The following NF1 variants were observed in gnomAD, a reference collection of about 807,000 sequenced individuals.
NF1 encodes the protein neurofibromin.
In NF1, 122 loss-of-function variants were observed where a neutral mutation model predicts 325.7. That is an observed-to-expected ratio of 0.37 (90% CI 0.32 to 0.44). The LOEUF (loss-of-function observed/expected upper bound fraction) is 0.44. Among genes scored for constraint, NF1 ranks in the 20% least tolerant of loss-of-function variants. NF1 has a pLI of 1.00. For synonymous variants in NF1, 1,091 were observed against 1,186.0 expected (o/e 0.92, Z 1.65); for missense variants, 2,140 against 3,415.4 (o/e 0.63, Z 9.31).
chr17:31,229,410 T>C lies in NF1; in HGVS notation c.2795T>C (p.Met932Thr), dbSNP rs876659779. Residue 932 changes from methionine to threonine, a missense_variant, in exon 21 of 58, where the codon ATG (methionine) becomes ACG (threonine). Physicochemically the swap from Met to Thr is moderately conservative, Grantham distance 81. Around this residue, in one of 10 missense-constraint regions of NF1, gnomAD observed 380 missense variants for 639.3 expected, o/e 0.59. Coordinates refer to ENST00000358273, the MANE Select transcript of NF1 (RefSeq NM_001042492.3). Reference protein sequence around the residue: ...GLELSPALYPMLFNKLKNTIS... With the variant: ...GLELSPALYPTLFNKLKNTIS... ...GAATTGAGTCCTGCTCTGTATCCAA[T>C]GCTATTTAACAAATTGAAGAATACC... The C allele has an allele frequency of 1.2e-6, 2 of 1,613,800 alleles. No individual in the cohort carries two copies. The highest frequency in any genetic ancestry group is 8.5e-7 in the Non-Finnish European group (1 of 1,179,822).
At chr17:31,279,638 G>A (rs568741534) in intron 36 of NF1, among the ~76,000 whole-genome samples, 1 of 151,420 alleles carries the variant, frequency 6.6e-6, no homozygotes, top group Non-Finnish European at 1.5e-5. Context: ...TGTGAACAAT[G>A]GATATGCAAA....
At chr17:31,356,325 G>C in intron 51 of NF1, 135 bp from the exon 52 acceptor site, 1 of 815,968 alleles carries the variant, frequency 1.2e-6, no homozygotes, top group Non-Finnish European at 2.0e-6. Flanking sequence ...AACTGCTCCA[G>C]GGATGTATTA....
chr17:31,236,069 T>G (rs1555615592), intron 29 of NF1, 48 bp downstream of exon 29: 8 of 1,284,308 alleles, frequency 6.2e-6, no homozygotes, highest in African/African-American at 1.6e-5. Flanking sequence ...TTTTTTTTTT[T>G]TGTTTGTTTG....
At chr17:31,167,882 T>C (rs2065871013) in intron 4 of NF1, among the ~76,000 whole-genome samples, 1 of 152,206 alleles carries the variant, frequency 6.6e-6, no homozygotes, top group African/African-American at 2.4e-5. Flanking sequence ...CCTGTCCTTA[T>C]AAGCTTATGT....
At chr17:31,125,682 G>A (rs1914816909) in intron 1 of NF1, among the ~76,000 whole-genome samples, 1 of 151,882 alleles carries the variant, frequency 6.6e-6, no homozygotes, top group Non-Finnish European at 1.5e-5. Context: ...GATTACAGGA[G>A]CGAGCACCAT....
rs199703072 is a variant in NF1 at position 31,201,456 on chromosome 17, G to A, written c.1231G>A (p.Val411Ile). 6.2e-7 allele frequency: 1 copy of A among 1,612,340 alleles called. No homozygotes were observed. Among genetic ancestry groups the A allele is most frequent in the East Asian group, 2.2e-5 (1 of 44,782 alleles). The change falls in exon 11 of 58, where the codon GTA (valine) becomes ATA (isoleucine). Residue 411 changes from valine (V) to isoleucine (I), a missense_variant. Coordinates refer to ENST00000358273, the MANE Select transcript of NF1 (RefSeq NM_001042492.3). ...NSPSTFHYVL[V>I]NSLHRIITNS... ...ACCTTCTACATTTCACTATGTGCTG[G>A]TAAATTCACTCCATCGAATCATCAC...
chr17:31,249,973 C>T (rs891716323), intron 30 of NF1: 6 of 491,790 alleles, frequency 1.2e-5, no homozygotes, highest in African/African-American at 1.2e-4. Context: ...CAGCCATTTG[C>T]TTTTTTAGCA....
At chr17:31,358,775 C>A in intron 55 of NF1, 153 bp downstream of exon 55, 2 of 1,156,926 alleles carry the variant, frequency 1.7e-6, no homozygotes, top group East Asian at 2.5e-5. Flanking sequence ...ACTGTATGTC[C>A]AATGTAACTG....
chr17:31,299,371 A>G (rs900726159), intron 36 of NF1: 11 of 152,100 alleles, frequency 7.2e-5, no homozygotes, highest in Non-Finnish European at 1.6e-4. Context: ...AGGCATAAGT[A>G]TGTGTTACAA....
intron 36 of NF1, chr17:31,321,603 G>T (rs2069194937): frequency 6.6e-6 from 1 of 151,924 alleles, no homozygotes; most frequent in Non-Finnish European, 1.5e-5. Context: ...GAGCCTTAAA[G>T]TAAATCTGCA....
chr17:31,255,413 G>A (rs560584947), intron 31 of NF1, among the ~76,000 whole-genome samples: 3 of 151,706 alleles, frequency 2.0e-5, no homozygotes, highest in Non-Finnish European at 4.4e-5. Context: ...TCAATTAGTG[G>A]TGAATGAAAA....
rs17885310 is a variant in NF1, at chr17:31,359,098, T to C, written c.8160+83T>C. 2.8e-4 allele frequency: 315 copies of C among 1,120,250 alleles called. No individual in the cohort carries two copies. The African/African-American group carries it at 4.0e-3, about 14-fold the overall frequency. 69.4% of individuals were successfully genotyped at this position (1,120,250 alleles called of 1,614,324 possible). A position where few individuals can be genotyped will look rare whatever the true frequency, so the allele number is the denominator to read the frequency against. ...GTATGCCTGCTTTAAGAACACACAA[T>C]GTGCTGAAAACCAGAAAAATAATTC... On this transcript the variant is annotated intron_variant, in intron 56 of 57. Coordinates refer to ENST00000358273, the MANE Select transcript of NF1 (RefSeq NM_001042492.3).
intron 1 of NF1, among the ~76,000 whole-genome samples, chr17:31,146,580 G>A (rs1327300350): frequency 6.6e-6 from 1 of 152,222 alleles, no homozygotes; most frequent in South Asian, 2.1e-4. Context: ...TGTTTTCAGA[G>A]AGGTTCTCTG....
At chr17:31,222,825 A>G (rs59725397) in intron 15 of NF1, 171 of 157,938 alleles carry the variant, frequency 1.1e-3, no homozygotes, top group African/African-American at 3.7e-3. Context: ...AAAGTGCTCA[A>G]TAGCCACGTG....
At chr17:31,116,159 G>A (rs1193693461) in intron 1 of NF1, among the ~76,000 whole-genome samples, 1 of 152,108 alleles carries the variant, frequency 6.6e-6, no homozygotes, top group Non-Finnish European at 1.5e-5. Context: ...GTTATGGGTT[G>A]TATGGTTGAA....
At chr17:31,231,226 AT>A (rs1324739169) in intron 24 of NF1, among the ~76,000 whole-genome samples, 2 of 152,194 alleles carry the variant, frequency 1.3e-5, no homozygotes, top group African/African-American at 4.8e-5. Flanking sequence ...TTGTGTTATG[AT>A]TAGATAGATA....
intron 3 of NF1, 40 bp downstream of exon 3, chr17:31,159,133 T>G (rs1567816156): frequency 7.2e-7 from 1 of 1,385,976 alleles, no homozygotes. Flanking sequence ...TTTGTGAATT[T>G]GATCTTGAGA....
intron 51 of NF1, 128 bp downstream of exon 51, chr17:31,352,542 G>A (rs2070177332): frequency 1.2e-6 from 1 of 823,126 alleles, no homozygotes; most frequent in East Asian, 2.8e-5. Flanking sequence ...AGTTTTTGAT[G>A]CCATTTAAAA....
intron 8 of NF1, among the ~76,000 whole-genome samples, chr17:31,184,854 A>G (rs1597663092): frequency 6.6e-6 from 1 of 152,140 alleles, no homozygotes; most frequent in Admixed American, 6.5e-5. Flanking sequence ...GACCTGCAAC[A>G]AAAGGTGCAT....
Sources: allele counts gnomAD v4.1 joint callset (sites outside exome capture counted in the v4.1 genomes callset), GRCh38; gene constraint gnomAD v4.1.1; regional missense constraint gnomAD v4.1.1; transcripts MANE v1.5; gene names NCBI Gene and HGNC (gene_info 2026-07-23, HGNC 2026-07-21).